Variants in RASA3 observed in about 807,000 individuals in gnomAD.
RASA3 encodes ras GTPase-activating protein 3.
A neutral mutation model predicts 110.0 loss-of-function variants in RASA3; 73 were observed. The observed-to-expected ratio is 0.66, with a 90% CI of 0.55 to 0.81. The LOEUF (loss-of-function observed/expected upper bound fraction) is 0.81. RASA3 is among the 30% of genes least tolerant of loss of function. The pLI is 0.00. For missense variants in RASA3, 976 were observed against 1,113.2 expected, an observed-to-expected ratio of 0.88 and a Z score of 1.75; for synonymous variants, 500 against 451.4, an observed-to-expected ratio of 1.11 and a Z score of -1.37.
At chr13:114,125,811 C>T (rs959060968) in intron 1 of RASA3, among the ~76,000 whole-genome samples, 11 of 152,092 alleles carry the variant, frequency 7.2e-5, no homozygotes, top group African/African-American at 9.7e-5. Flanking sequence ...CTGCGTAAGA[C>T]GAGACGCGCT....
At chr13:114,076,989 ATTTC>A (rs968210215) in intron 1 of RASA3, among the ~76,000 whole-genome samples, 90 of 151,882 alleles carry the variant, frequency 5.9e-4, no homozygotes, top group African/African-American at 2.0e-3. Context: ...GTTTTCTGGG[ATTTC>A]TTTGTTTTTT....
intron 7 of RASA3, among the ~76,000 whole-genome samples, chr13:114,025,244 A>G (rs2054005828): frequency 6.6e-6 from 1 of 152,224 alleles, no homozygotes; most frequent in South Asian, 2.1e-4. Flanking sequence ...CTGAGCTTGC[A>G]CTTCCTGATT....
chr13:114,057,546 CA>C lies in RASA3; in HGVS notation c.174-5392del. ...ATTTAGGGAATAAGAAGGGCGATTCCAGGGACAGTGGAGGCCCCCACAGGAA... is the reference window on the plus strand; with the variant it reads ...ATTTAGGGAATAAGAAGGGCGATTCCGGGACAGTGGAGGCCCCCACAGGAA... On this transcript the variant is annotated intron_variant, in intron 2 of 23. Transcript: ENST00000334062. The surrounding 1 kb of genome is among the most constrained non-coding windows in gnomAD (Gnocchi z 5.0). 1.0e-6 allele frequency: 1 copy of C among 980,852 alleles called. No homozygotes were observed. Among genetic ancestry groups the C allele is most frequent in the African/African-American group, 1.7e-5 (1 of 57,232 alleles). 60.8% of individuals were successfully genotyped at this position (980,852 alleles called of 1,614,324 possible).
At chr13:114,030,094 T>A (rs2054118751) in intron 4 of RASA3, among the ~76,000 whole-genome samples, 1 of 152,240 alleles carries the variant, frequency 6.6e-6, no homozygotes, top group African/African-American at 2.4e-5. Context: ...CTTGCCTGAC[T>A]GCTCAGCCCC....
intron 4 of RASA3, among the ~76,000 whole-genome samples, chr13:114,035,437 G>A (rs1391406185): frequency 6.6e-6 from 1 of 152,224 alleles, no homozygotes; most frequent in Non-Finnish European, 1.5e-5. Flanking sequence ...GCCCTGGGCG[G>A]GGGCTGCTGA....
intron 1 of RASA3, among the ~76,000 whole-genome samples, chr13:114,128,600 TG>T (rs759708615): frequency 6.8e-4 from 104 of 152,374 alleles, no homozygotes; most frequent in Non-Finnish European, 1.2e-3. Flanking sequence ...GAGGGATAGC[TG>T]GGGCTGGAGG....
intron 2 of RASA3, among the ~76,000 whole-genome samples, chr13:114,054,966 ACGTGTGTGCC>A (rs2079214404): frequency 7.3e-6 from 1 of 137,776 alleles, no homozygotes; most frequent in Non-Finnish European, 1.6e-5. Flanking sequence ...GGGTGTGTGC[ACGTGTGTGCC>A]CATGGGTGTG....
In RASA3 at chr13:114,018,261, A is replaced by T; in HGVS notation, c.943-9T>A. The T allele has an allele frequency of 6.5e-7, 1 of 1,549,316 alleles. No homozygotes were observed. The highest frequency in any genetic ancestry group is 1.4e-5 in the African/African-American group (1 of 73,140). ...GCAGACGCTGACACGGGCTGCGGGGAGGGGTGAGGTCAGTGCCAGGGCCCG... is the reference window on the plus strand; with the variant it reads ...GCAGACGCTGACACGGGCTGCGGGGTGGGGTGAGGTCAGTGCCAGGGCCCG... On this transcript the variant is annotated splice_polypyrimidine_tract_variant and intron_variant, in intron 10 of 23. Coordinates refer to ENST00000334062, the MANE Select transcript of RASA3 (RefSeq NM_007368.4).
chr13:114,000,289 G>A (rs1010814027), intron 19 of RASA3, among the ~76,000 whole-genome samples: 2 of 152,030 alleles, frequency 1.3e-5, no homozygotes, highest in Non-Finnish European at 2.9e-5. Context: ...GGCTGAGGAA[G>A]CCTGGGACCC....
intron 20 of RASA3, 106 bp downstream of exon 20, chr13:113,999,479 T>G: frequency 1.2e-6 from 1 of 827,128 alleles, no homozygotes; most frequent in Non-Finnish European, 2.1e-6. Context: ...AAGCCTGGAG[T>G]GCAGTGGGTG....
intron 3 of RASA3, among the ~76,000 whole-genome samples, chr13:114,050,583 C>T (rs894636285): frequency 7.2e-5 from 11 of 152,336 alleles, no homozygotes; most frequent in Admixed American, 1.3e-4. Context: ...AGGCCCTGCC[C>T]GGCCCCGAGG....
At chr13:114,128,847 C>T (rs1032516078) in intron 1 of RASA3, among the ~76,000 whole-genome samples, 4 of 152,262 alleles carry the variant, frequency 2.6e-5, no homozygotes, top group Non-Finnish European at 5.9e-5. Flanking sequence ...GGACGGCATT[C>T]CCGGACGCTG....
chr13:114,023,955 G>C (rs2139346183), intron 8 of RASA3, among the ~76,000 whole-genome samples: 1 of 152,314 alleles, frequency 6.6e-6, no homozygotes, highest in East Asian at 1.9e-4. Flanking sequence ...CTCTGAGTGA[G>C]GCCTGAACCC....
intron 10 of RASA3, 105 bp downstream of exon 10, chr13:114,018,658 C>T: frequency 7.1e-7 from 1 of 1,405,782 alleles, no homozygotes; most frequent in Admixed American, 2.1e-5. Context: ...GGGAAAGGCC[C>T]CCTCAGGGAG....
At chr13:114,038,590 G>A (rs1311740721) in intron 4 of RASA3, among the ~76,000 whole-genome samples, 1 of 152,212 alleles carries the variant, frequency 6.6e-6, no homozygotes, top group African/African-American at 2.4e-5. Flanking sequence ...CTGGGCTCAT[G>A]GTCAACTTCA....
chr13:114,031,371 A>G (rs2054165219), intron 4 of RASA3, among the ~76,000 whole-genome samples: 1 of 142,536 alleles, frequency 7.0e-6, no homozygotes, highest in Non-Finnish European at 1.5e-5. Flanking sequence ...GTGTGCGACT[A>G]TGTGTGCATG....
At chr13:114,062,388 G>A (rs964271403) in intron 2 of RASA3, among the ~76,000 whole-genome samples, 2 of 152,128 alleles carry the variant, frequency 1.3e-5, no homozygotes, top group African/African-American at 4.8e-5. Context: ...AGTAACAAGG[G>A]TAGGGAGGTG....
chr13:114,007,405 C>T lies in RASA3; in HGVS notation c.1742+128G>A, dbSNP rs185652605. The T allele has an allele frequency of 1.9e-3, 362 of 194,850 alleles. 79 individuals are homozygous for T. Among genetic ancestry groups the T allele is most frequent in the East Asian group, 0.01 (121 of 11,910 alleles). The allele number at this position is 194,850 out of a possible 1,614,324, so 12.1% of individuals were successfully genotyped here. On this transcript the variant is annotated intron_variant, in intron 18 of 23. Coordinates refer to ENST00000334062, the MANE Select transcript of RASA3 (RefSeq NM_007368.4). ...CCTTCTCCCCTCCTGCCCTGCTGGACGCCACCTTACCCTTCTCCCCTCCTG... is the reference window on the plus strand; with the variant it reads ...CCTTCTCCCCTCCTGCCCTGCTGGATGCCACCTTACCCTTCTCCCCTCCTG...
intron 12 of RASA3, 149 bp from the exon 13 acceptor site, chr13:114,016,420 C>T (rs955058390): frequency 2.8e-5 from 18 of 646,264 alleles, no homozygotes; most frequent in African/African-American, 1.8e-4. Flanking sequence ...GCCACTGGCA[C>T]GGAGGGGCAC....
Sources: allele counts gnomAD v4.1 joint callset (sites outside exome capture counted in the v4.1 genomes callset), GRCh38; gene constraint gnomAD v4.1.1; non-coding constraint Gnocchi (gnomAD v3.1); transcripts MANE v1.5; gene names NCBI Gene and HGNC (gene_info 2026-07-23, HGNC 2026-07-21).